Variants in PLCE1 observed in about 807,000 individuals in gnomAD.
PLCE1 encodes 1-phosphatidylinositol 4,5-bisphosphate phosphodiesterase epsilon-1.
In PLCE1, 119 loss-of-function variants were observed where a neutral mutation model predicts 242.8. The observed-to-expected ratio is 0.49, with a 90% CI of 0.42 to 0.57. PLCE1 has a LOEUF of 0.57. Among genes scored for constraint, PLCE1 ranks in the 20% least tolerant of loss-of-function variants. The probability of loss-of-function intolerance (pLI) is 0.00; values close to 1 mark genes in which losing one functional copy is unlikely to be tolerated. For missense variants in PLCE1, 2,441 were observed against 2,788.8 expected (o/e 0.88, Z 2.81); for synonymous variants, 945 against 1,017.4 (o/e 0.93, Z 1.35).
rs758463243 is a variant in PLCE1 at position 94,246,295 on chromosome 10, G to A, written c.2770G>A (p.Gly924Ser). 2 of 1,614,130 alleles carry A rather than the reference G, an allele frequency of 1.2e-6. No individual in the cohort carries two copies. The highest frequency in any genetic ancestry group is 4.5e-5 in the East Asian group (2 of 44,884). The part of the protein sequence containing the change: ...TAEPGKFPLL[G>S]NAGLSSLTEG... ...TGAGCCTGGAAAATTCCCACTACTG[G>A]GTAATGCTGGATTAAGTAGCCTGAC... The change falls in exon 8 of 33, where the codon GGT becomes AGT. Residue 924 changes from glycine to serine, a missense_variant. Transcript: ENST00000371380.
intron 19 of PLCE1, among the ~76,000 whole-genome samples, chr10:94,276,478 A>T (rs2051958624): frequency 6.6e-6 from 1 of 152,228 alleles, no homozygotes; most frequent in South Asian, 2.1e-4. Flanking sequence ...TGACTAAGTC[A>T]GAATTTCCAG....
chr10:94,310,029 A>G (rs1253755673), intron 27 of PLCE1, among the ~76,000 whole-genome samples: 1 of 152,212 alleles, frequency 6.6e-6, no homozygotes, highest in Non-Finnish European at 1.5e-5. Context: ...TGTCTCTAAA[A>G]AAGGTATTTT....
intron 4 of PLCE1, among the ~76,000 whole-genome samples, chr10:94,197,027 A>T (rs970582218): frequency 2.0e-5 from 3 of 152,150 alleles, no homozygotes; most frequent in African/African-American, 7.2e-5. Context: ...GAAAATAGTG[A>T]TCTCATTTCT....
At position 94,252,204 on chromosome 10, in the gene PLCE1, C is replaced by G. The variant is rs1589421951; in HGVS notation, c.3097-112C>G. On this transcript the variant is annotated intron_variant, in intron 8 of 32. Coordinates refer to ENST00000371380, the MANE Select transcript of PLCE1 (RefSeq NM_016341.4). ...CTTGGGTGGCCAGATCATTATTCTT[C>G]TGTGGCCGTCTGTGCTCTTCCACCT... is the stretch of plus-strand genomic sequence containing the variant. 27 of 894,122 alleles carry G rather than the reference C, an allele frequency of 3.0e-5. No individual in the cohort carries two copies. In the East Asian group the frequency reaches 6.6e-4, roughly 22 times the overall value. 55.4% of individuals were successfully genotyped at this position (894,122 alleles called of 1,614,324 possible).
intron 3 of PLCE1, among the ~76,000 whole-genome samples, chr10:94,166,923 G>A (rs10082413): frequency 0.018 from 2,771 of 152,110 alleles, 88 homozygotes; most frequent in African/African-American, 0.063. Flanking sequence ...ACCAAGCTAC[G>A]GGCACCTTGG....
chr10:94,221,927 C>CT (rs2049761544), intron 4 of PLCE1, among the ~76,000 whole-genome samples: 1 of 152,232 alleles, frequency 6.6e-6, no homozygotes, highest in African/African-American at 2.4e-5. Flanking sequence ...CATTTGTCTC[C>CT]TTTTTCTGGA....
At chr10:94,217,685 T>G (rs1043207744) in intron 4 of PLCE1, among the ~76,000 whole-genome samples, 10 of 152,158 alleles carry the variant, frequency 6.6e-5, no homozygotes, top group African/African-American at 2.4e-4. Flanking sequence ...GTGAAAATAT[T>G]CTCCCTAGTT....
chr10:94,021,039 C>G (rs2061367634), intron 1 of PLCE1, among the ~76,000 whole-genome samples: 1 of 152,078 alleles, frequency 6.6e-6, no homozygotes, highest in East Asian at 1.9e-4. Flanking sequence ...CTATGTTGGC[C>G]AGGCTGGTCT....
At chr10:94,253,745 T>C (rs1171992320) in intron 9 of PLCE1, among the ~76,000 whole-genome samples, 2 of 152,102 alleles carry the variant, frequency 1.3e-5, no homozygotes, top group Non-Finnish European at 2.9e-5. Context: ...TCATGAGGGA[T>C]CCACCCCCAT....
chr10:94,160,718 G>A (rs546996541), intron 3 of PLCE1, among the ~76,000 whole-genome samples: 2 of 152,240 alleles, frequency 1.3e-5, no homozygotes, highest in South Asian at 2.1e-4. Context: ...GAATGGTATT[G>A]CCTAGGTTTT....
intron 9 of PLCE1, among the ~76,000 whole-genome samples, 192 bp from the exon 10 acceptor site, chr10:94,253,998 T>C (rs530863870): frequency 6.6e-6 from 1 of 152,330 alleles, no homozygotes; most frequent in South Asian, 2.1e-4. Context: ...GGAGTACTGC[T>C]GTATAGTAAA....
At chr10:94,013,164 C>T (rs2061205512) in intron 1 of PLCE1, among the ~76,000 whole-genome samples, 1 of 152,224 alleles carries the variant, frequency 6.6e-6, no homozygotes, top group Non-Finnish European at 1.5e-5. Flanking sequence ...TAAGTATCAT[C>T]TTGTTATTTG....
chr10:94,022,323 T>C (rs1349561006), intron 1 of PLCE1, among the ~76,000 whole-genome samples: 1 of 152,038 alleles, frequency 6.6e-6, no homozygotes, highest in African/African-American at 2.4e-5. Context: ...AGGAACATAC[T>C]TAACAAAAGA....
chr10:94,060,231 T>C (rs533171724), intron 2 of PLCE1, among the ~76,000 whole-genome samples: 2 of 152,268 alleles, frequency 1.3e-5, no homozygotes, highest in African/African-American at 2.4e-5. Flanking sequence ...ATACTCATGC[T>C]ACTTATTTCA....
intron 3 of PLCE1, among the ~76,000 whole-genome samples, chr10:94,147,084 A>C (rs1287723899): frequency 6.6e-6 from 1 of 151,942 alleles, no homozygotes; most frequent in Non-Finnish European, 1.5e-5. Flanking sequence ...CCAACAGTTA[A>C]GTGGCATCAT....
intron 1 of PLCE1, among the ~76,000 whole-genome samples, chr10:94,002,964 A>C (rs1404851805): frequency 6.6e-6 from 1 of 152,120 alleles, no homozygotes; most frequent in Admixed American, 6.6e-5. Flanking sequence ...GCAGATGACC[A>C]CTCGAGGAAT....
At chr10:94,204,333 A>G (rs1427721898) in intron 4 of PLCE1, among the ~76,000 whole-genome samples, 9 of 152,292 alleles carry the variant, frequency 5.9e-5, no homozygotes, top group Non-Finnish European at 1.3e-4. Context: ...AAATCATCAG[A>G]AACTCCAAGC....
At chr10:94,189,338 T>A in intron 4 of PLCE1, among the ~76,000 whole-genome samples, 1 of 149,478 alleles carries the variant, frequency 6.7e-6, no homozygotes. Flanking sequence ...ATTAAATATA[T>A]ATAAAGGAAA....
At chr10:94,015,159 G>A (rs1194384340) in intron 1 of PLCE1, among the ~76,000 whole-genome samples, 1 of 152,140 alleles carries the variant, frequency 6.6e-6, no homozygotes, top group Admixed American at 6.6e-5. Flanking sequence ...ATACACACGA[G>A]GTGCTCAGCA....
Sources: gnomAD v4.1 joint callset for allele counts (sites outside exome capture counted in the v4.1 genomes callset) on GRCh38, gnomAD v4.1.1 for gene constraint, MANE v1.5 for transcripts, NCBI Gene and HGNC (gene_info 2026-07-23, HGNC 2026-07-21) for gene names.